Variants in ROPN1L observed in about 807,000 individuals in gnomAD.
ROPN1L encodes the protein rhophilin associated tail protein 1 like.
In ROPN1L, 23 loss-of-function variants were observed where a neutral mutation model predicts 22.7. That is an observed-to-expected ratio of 1.01 (90% CI 0.73 to 1.43). ROPN1L has a LOEUF of 1.43. Among genes scored for constraint, ROPN1L ranks in the 40% most tolerant of loss-of-function variants. The pLI, the probability that ROPN1L is intolerant of heterozygous loss-of-function variation, is 0.00. For synonymous variants in ROPN1L, 116 were observed against 117.8 expected (o/e 0.98, Z 0.10); for missense variants, 271 against 291.5 (o/e 0.93, Z 0.51).
chr5:10,457,545 G>A (rs1032360859), intron 3 of ROPN1L, among the ~76,000 whole-genome samples: 2 of 152,246 alleles, frequency 1.3e-5, no homozygotes, highest in East Asian at 3.8e-4. Context: ...CCTGGCCAAG[G>A]TGTCTGTCTG....
At chr5:10,459,227 G>C (rs1222927993) in intron 3 of ROPN1L, among the ~76,000 whole-genome samples, 1 of 151,656 alleles carries the variant, frequency 6.6e-6, no homozygotes, top group Non-Finnish European at 1.5e-5. Context: ...CTTCAGGAGA[G>C]GCTGAGTCCG....
At chr5:10,466,318 T>A (rs191309284), downstream of ROPN1L, among the ~76,000 whole-genome samples, 9 of 152,242 alleles carry the variant, frequency 5.9e-5, no homozygotes, top group Non-Finnish European at 1.2e-4. Flanking sequence ...GTGCTTTCAC[T>A]GTGACTATCT....
chr5:10,450,215 T>C, intron 3 of ROPN1L, 102 bp downstream of exon 3: 1 of 957,002 alleles, frequency 1.0e-6, no homozygotes, highest in Non-Finnish European at 1.5e-6. Context: ...TTAGTAACTT[T>C]GTCTTAGAAA....
At chr5:10,449,344 CTT>C (rs891482875) in intron 2 of ROPN1L, among the ~76,000 whole-genome samples, 105 of 152,130 alleles carry the variant, frequency 6.9e-4, no homozygotes, top group African/African-American at 2.4e-3. Context: ...CAAGGTGAAA[CTT>C]TGTCTCCAAT....
Position 10,442,106 on chromosome 5 carries a change from A to G in ROPN1L, c.-62A>G. 1 of 1,571,694 alleles carries G rather than the reference A, an allele frequency of 6.4e-7. No homozygotes were observed. Among genetic ancestry groups the G allele is most frequent in the Non-Finnish European group, 8.7e-7 (1 of 1,150,966 alleles). ...GCGGGTCCACCGCGTCGTAGCCGAC[A>G]GCCGCCCTTCTTCCTCGCAGCGCGC... is the stretch of plus-strand genomic sequence containing the variant. On this transcript the variant is annotated 5_prime_UTR_variant, in exon 1 of 5. Coordinates refer to ENST00000274134, the MANE Select transcript of ROPN1L (RefSeq NM_031916.5).
chr5:10,475,193 C>G (rs1439259547), downstream of ROPN1L, among the ~76,000 whole-genome samples: 1 of 152,172 alleles, frequency 6.6e-6, no homozygotes, highest in African/African-American at 2.4e-5. Flanking sequence ...ACCACAGCCA[C>G]TTCTCTGCAG....
intron 3 of ROPN1L, among the ~76,000 whole-genome samples, chr5:10,453,430 C>G (rs1172407628): frequency 6.6e-6 from 1 of 152,092 alleles, no homozygotes; most frequent in East Asian, 1.9e-4. Context: ...GTGCTAAGAA[C>G]ACAAAGCTGT....
chr5:10,445,987 G>A (rs1327844666), intron 1 of ROPN1L, among the ~76,000 whole-genome samples: 4 of 152,170 alleles, frequency 2.6e-5, no homozygotes, highest in Middle Eastern at 3.2e-3. Context: ...CTCAGGTTAG[G>A]GTTCTTTTCA....
downstream of ROPN1L, among the ~76,000 whole-genome samples, chr5:10,473,984 T>C (rs1232230488): frequency 6.6e-6 from 1 of 152,082 alleles, no homozygotes; most frequent in Admixed American, 6.5e-5. Context: ...AATCCCCGTC[T>C]CTACTAAAAT....
chr5:10,452,279 T>G (rs1741279080), intron 3 of ROPN1L, among the ~76,000 whole-genome samples: 1 of 143,312 alleles, frequency 7.0e-6, no homozygotes, highest in African/African-American at 2.6e-5. Flanking sequence ...GCACCCAGCC[T>G]AAAGTATATG....
At chr5:10,474,596 C>T (rs879594758), downstream of ROPN1L, among the ~76,000 whole-genome samples, 1 of 152,256 alleles carries the variant, frequency 6.6e-6, no homozygotes, top group Admixed American at 6.5e-5. Flanking sequence ...AACCTAGAGC[C>T]TCTGTTGAGA....
At chr5:10,465,343 G>A (rs1175394100), downstream of ROPN1L, among the ~76,000 whole-genome samples, 2 of 152,000 alleles carry the variant, frequency 1.3e-5, no homozygotes, top group African/African-American at 2.4e-5. Context: ...GTGAAACCCC[G>A]TCTCTACTAA....
In ROPN1L at chr5:10,462,905, T is replaced by C. The variant is rs2673895; in HGVS notation, c.593+1546T>C. Among the ~76,000 whole-genome samples the C allele has an allele frequency of 0.015, 25 of 1,632 alleles. No individual in the cohort carries two copies. The East Asian group carries it at 0.44, about 29-fold the overall frequency. The allele number at this position is 1,632 out of a possible 152,430, so 1.1% of individuals were successfully genotyped here. ...ACTCCGTCTCAAATAATAACAACAA[T>C]AATAATAATAATAATAATAATAACT... On this transcript the variant is annotated intron_variant, in intron 4 of 4. Coordinates refer to ENST00000274134, the MANE Select transcript of ROPN1L (RefSeq NM_031916.5).
At chr5:10,480,491 A>C in the ROPN1L span, among the ~76,000 whole-genome samples, 1 of 151,950 alleles carries the variant, frequency 6.6e-6, no homozygotes, top group South Asian at 2.1e-4. Context: ...GAACAGATGC[A>C]CACATTGGAA....
the ROPN1L span, among the ~76,000 whole-genome samples, chr5:10,480,605 C>T: frequency 4.6e-5 from 7 of 152,136 alleles, no homozygotes; most frequent in Admixed American, 6.5e-5. Flanking sequence ...GGCATGCCAG[C>T]GAGTGTGGCC....
chr5:10,479,842 T>G, the ROPN1L span, among the ~76,000 whole-genome samples: 10 of 152,262 alleles, frequency 6.6e-5, no homozygotes, highest in South Asian at 2.1e-3. Flanking sequence ...CCTCCTGAAT[T>G]CAAGCAATTT....
chr5:10,444,927 A>G (rs940977403), intron 1 of ROPN1L, among the ~76,000 whole-genome samples: 5 of 152,092 alleles, frequency 3.3e-5, no homozygotes, highest in Non-Finnish European at 7.4e-5. Flanking sequence ...AAGAGACTTA[A>G]TCAGGAACTT....
chr5:10,474,703 G>A (rs1215092438), downstream of ROPN1L, among the ~76,000 whole-genome samples: 2 of 152,262 alleles, frequency 1.3e-5, no homozygotes, highest in African/African-American at 4.8e-5. Flanking sequence ...GAGAAGGTCA[G>A]ATGATGAATA....
chr5:10,471,293 A>G (rs889791508), intron 4 of ROPN1L, among the ~76,000 whole-genome samples: 12 of 149,970 alleles, frequency 8.0e-5, no homozygotes, highest in Non-Finnish European at 1.6e-4. Flanking sequence ...ACAAGCCACC[A>G]CTGCTGGCTA....
Sources: allele counts gnomAD v4.1 joint callset (sites outside exome capture counted in the v4.1 genomes callset), GRCh38; gene constraint gnomAD v4.1.1; transcripts MANE v1.5; gene names NCBI Gene and HGNC (gene_info 2026-07-23, HGNC 2026-07-21).